Variants in FRMD3 observed in about 807,000 individuals in gnomAD.
FRMD3 encodes the protein FERM domain-containing protein 3.
Under a neutral mutation model 70.2 loss-of-function variants are expected in FRMD3, and 33 were observed. The observed-to-expected ratio is 0.47, with a 90% confidence interval of 0.36 to 0.63. The LOEUF is 0.63. Ranked by LOEUF, FRMD3 falls within the 20% of genes least tolerant of loss-of-function variation. The probability of loss-of-function intolerance (pLI) is 0.00; values close to 1 mark genes in which losing one functional copy is unlikely to be tolerated. For missense variants in FRMD3, 632 were observed against 711.4 expected, an observed-to-expected ratio of 0.89 and a Z score of 1.27; for synonymous variants, 279 against 255.9, an observed-to-expected ratio of 1.09 and a Z score of -0.86.
At chr9:83,420,980 G>A (rs1826621167) in intron 1 of FRMD3, among the ~76,000 whole-genome samples, 2 of 105,436 alleles carry the variant, frequency 1.9e-5, no homozygotes, top group Admixed American at 1.2e-4. Flanking sequence ...TCGCTCTGTC[G>A]CCCAGGCTGG....
chr9:83,339,392 G>C (rs1370856431), intron 5 of FRMD3, among the ~76,000 whole-genome samples: 2 of 152,164 alleles, frequency 1.3e-5, no homozygotes, highest in African/African-American at 4.8e-5. Context: ...CTTGGAAGTT[G>C]AAGTCGTGAC....
At chr9:83,577,102 T>C in the FRMD3 span, among the ~76,000 whole-genome samples, 1 of 152,106 alleles carries the variant, frequency 6.6e-6, no homozygotes, top group Non-Finnish European at 1.5e-5. Context: ...AGACATATTA[T>C]CCCATGTTGA....
chr9:83,493,397 G>A (rs1828872894), intron 1 of FRMD3, among the ~76,000 whole-genome samples: 1 of 152,190 alleles, frequency 6.6e-6, no homozygotes, highest in South Asian at 2.1e-4. Flanking sequence ...TTGTCATACA[G>A]AGAAATAGGT....
upstream of FRMD3, among the ~76,000 whole-genome samples, chr9:83,542,218 C>A (rs558829452): frequency 9.2e-5 from 14 of 152,200 alleles, no homozygotes; most frequent in South Asian, 2.9e-3. Context: ...TATTCTTTAC[C>A]AAAAAATATG....
intron 1 of FRMD3, among the ~76,000 whole-genome samples, chr9:83,463,649 A>G (rs546195780): frequency 2.2e-4 from 33 of 152,224 alleles, no homozygotes; most frequent in Non-Finnish European, 4.1e-4. Flanking sequence ...CAGCCAAACC[A>G]TATCAGTAAT....
the FRMD3 span, among the ~76,000 whole-genome samples, chr9:83,555,673 C>T: frequency 6.6e-6 from 1 of 152,338 alleles, no homozygotes; most frequent in South Asian, 2.1e-4. Context: ...AGCCTCTTTC[C>T]TATGGGTAGG....
chr9:83,283,546 A>AAAT (rs141284669), intron 13 of FRMD3, among the ~76,000 whole-genome samples: 95 of 25,886 alleles, frequency 3.7e-3, no homozygotes, highest in Middle Eastern at 0.031. Flanking sequence ...AAAAAAAAAA[A>AAAT]AATAATAATA....
the FRMD3 span, among the ~76,000 whole-genome samples, chr9:83,564,622 CTTG>C: frequency 6.6e-6 from 1 of 152,058 alleles, no homozygotes; most frequent in African/African-American, 2.4e-5. Context: ...TGATCCAAAT[CTTG>C]TTGTGATGTG....
chr9:83,442,031 C>T (rs151046997), intron 1 of FRMD3, among the ~76,000 whole-genome samples: 108 of 152,278 alleles, frequency 7.1e-4, no homozygotes, highest in African/African-American at 2.2e-3. Flanking sequence ...AAGCCCGACA[C>T]ATCTTTCAAA....
chr9:83,311,018 T>C (rs2131050732), intron 8 of FRMD3, among the ~76,000 whole-genome samples: 1 of 152,324 alleles, frequency 6.6e-6, no homozygotes, highest in African/African-American at 2.4e-5. Flanking sequence ...ACAAAAGAAT[T>C]GTGTTCTTAT....
At chr9:83,472,061 T>C (rs1165418838) in intron 1 of FRMD3, among the ~76,000 whole-genome samples, 1 of 152,054 alleles carries the variant, frequency 6.6e-6, no homozygotes, top group African/African-American at 2.4e-5. Context: ...TGCTCATTCA[T>C]TGAAGGGACT....
intron 13 of FRMD3, among the ~76,000 whole-genome samples, chr9:83,264,276 A>G (rs1002546018): frequency 2.6e-5 from 4 of 152,250 alleles, no homozygotes; most frequent in Admixed American, 2.6e-4. Flanking sequence ...TATGAATATC[A>G]TAAAAAGACC....
At chr9:83,548,285 C>G in the FRMD3 span, among the ~76,000 whole-genome samples, 6 of 152,270 alleles carry the variant, frequency 3.9e-5, no homozygotes. Context: ...ACATTTATAG[C>G]AGATTTATTC....
chr9:83,312,749 C>T (rs568455289), intron 7 of FRMD3, among the ~76,000 whole-genome samples: 1 of 152,158 alleles, frequency 6.6e-6, no homozygotes, highest in South Asian at 2.1e-4. Flanking sequence ...ACCACTCCCC[C>T]TCCGCCGCCC....
At chr9:83,312,184 T>G (rs1467075650) in intron 7 of FRMD3, among the ~76,000 whole-genome samples, 3 of 152,198 alleles carry the variant, frequency 2.0e-5, no homozygotes, top group Non-Finnish European at 4.4e-5. Flanking sequence ...AGCTTTTCCC[T>G]TTGAGGAGCG....
At chr9:83,288,294 A>G (rs1007190019) in intron 13 of FRMD3, among the ~76,000 whole-genome samples, 3 of 152,234 alleles carry the variant, frequency 2.0e-5, no homozygotes, top group African/African-American at 7.2e-5. Context: ...GCAGAATTTG[A>G]CTAGTAACAG....
chr9:83,497,450 T>A (rs1399446145), intron 1 of FRMD3, among the ~76,000 whole-genome samples: 1 of 152,226 alleles, frequency 6.6e-6, no homozygotes, highest in Non-Finnish European at 1.5e-5. Context: ...AAATTACTTC[T>A]AAGTGGCGTA....
chr9:83,416,338 G>A (rs1039744129), intron 1 of FRMD3, among the ~76,000 whole-genome samples: 2 of 152,214 alleles, frequency 1.3e-5, no homozygotes, highest in African/African-American at 2.4e-5. Context: ...GGTGAGCTGG[G>A]ACACTGAATA....
chr9:83,433,287 A>G (rs1352378388), intron 1 of FRMD3, among the ~76,000 whole-genome samples: 1 of 152,244 alleles, frequency 6.6e-6, no homozygotes, highest in Non-Finnish European at 1.5e-5. Flanking sequence ...GGTGGAAGTG[A>G]AACTTCACCA....
Sources: allele counts gnomAD v4.1 joint callset (sites outside exome capture counted in the v4.1 genomes callset), GRCh38; gene constraint gnomAD v4.1.1; transcripts MANE v1.5; gene names NCBI Gene and HGNC (gene_info 2026-07-23, HGNC 2026-07-21).